Variants in GABRB1 observed in about 807,000 individuals in gnomAD.
GABRB1 encodes gamma-aminobutyric acid receptor subunit beta-1.
Under a neutral mutation model 51.6 loss-of-function variants are expected in GABRB1, and 17 were observed. The ratio of observed to expected loss-of-function variants is 0.33; its 90% confidence interval spans 0.23 to 0.49. The LOEUF (loss-of-function observed/expected upper bound fraction) is 0.49. Among genes scored for constraint, GABRB1 ranks in the 20% least tolerant of loss-of-function variants. The pLI, the probability that GABRB1 is intolerant of heterozygous loss-of-function variation, is 0.99. For synonymous variants in GABRB1, 247 were observed against 218.9 expected (o/e 1.13, Z -1.14); for missense variants, 410 against 600.6 (o/e 0.68, Z 3.32).
intron 5 of GABRB1, among the ~76,000 whole-genome samples, chr4:47,349,335 A>C (rs1726222461): frequency 6.6e-6 from 1 of 152,140 alleles, no homozygotes; most frequent in Non-Finnish European, 1.5e-5. Context: ...GGAAAGAAAG[A>C]AGGAACAGCC....
intron 5 of GABRB1, among the ~76,000 whole-genome samples, chr4:47,392,534 G>A (rs769364940): frequency 1.3e-5 from 2 of 151,992 alleles, no homozygotes; most frequent in African/African-American, 2.4e-5. Flanking sequence ...GTAGAGACAG[G>A]GTTTCACCAT....
intron 5 of GABRB1, among the ~76,000 whole-genome samples, chr4:47,397,731 T>C (rs1465088935): frequency 6.6e-6 from 1 of 151,828 alleles, no homozygotes; most frequent in East Asian, 1.9e-4. Context: ...CATGCTCAGC[T>C]AATTTTTTTT....
intron 4 of GABRB1, among the ~76,000 whole-genome samples, chr4:47,261,841 A>T (rs1243572773): frequency 1.3e-5 from 2 of 152,254 alleles, no homozygotes; most frequent in Non-Finnish European, 2.9e-5. Flanking sequence ...TTACCAAAAC[A>T]GAGATATAGA....
chr4:47,358,022 C>G (rs1475669443), intron 5 of GABRB1, among the ~76,000 whole-genome samples: 2 of 152,120 alleles, frequency 1.3e-5, no homozygotes, highest in Non-Finnish European at 2.9e-5. Context: ...CTCCTTAAAA[C>G]CTCATCACAC....
At chr4:47,288,266 A>G (rs758367389) in intron 4 of GABRB1, among the ~76,000 whole-genome samples, 4 of 150,360 alleles carry the variant, frequency 2.7e-5, no homozygotes, top group South Asian at 2.1e-4. Context: ...TATTATTATT[A>G]TTATTGTTAT....
chr4:47,347,877 G>A (rs7666210), intron 5 of GABRB1, among the ~76,000 whole-genome samples: 2,997 of 152,262 alleles, frequency 0.02, 92 homozygotes, highest in African/African-American at 0.069. Context: ...GTAAAAATGT[G>A]TGATGGGCTT....
chr4:47,142,156 G>C (rs578018323), intron 3 of GABRB1, among the ~76,000 whole-genome samples: 5 of 151,964 alleles, frequency 3.3e-5, no homozygotes, highest in African/African-American at 1.2e-4. Flanking sequence ...CTCTTGCATT[G>C]TGGGATGAAG....
At chr4:47,238,944 T>G (rs1052420136) in intron 4 of GABRB1, among the ~76,000 whole-genome samples, 1 of 152,190 alleles carries the variant, frequency 6.6e-6, no homozygotes, top group Non-Finnish European at 1.5e-5. Context: ...GCTTTGAAAA[T>G]GTTAGTTGAG....
intron 4 of GABRB1, among the ~76,000 whole-genome samples, chr4:47,300,361 A>T (rs1033934751): frequency 1.2e-4 from 19 of 152,292 alleles, no homozygotes; most frequent in African/African-American, 3.4e-4. Context: ...TTTAAGAGGG[A>T]CATTGTAAAA....
At chr4:47,040,364 T>A (rs1186487145) in intron 3 of GABRB1, among the ~76,000 whole-genome samples, 1 of 152,162 alleles carries the variant, frequency 6.6e-6, no homozygotes. Context: ...AGGTGATAGA[T>A]GCCTAAACTA....
At chr4:47,122,274 G>C (rs1403470888) in intron 3 of GABRB1, among the ~76,000 whole-genome samples, 1 of 152,242 alleles carries the variant, frequency 6.6e-6, no homozygotes, top group East Asian at 1.9e-4. Flanking sequence ...ATCTCAATTT[G>C]CTGAATTTGT....
intron 4 of GABRB1, among the ~76,000 whole-genome samples, chr4:47,306,681 G>C (rs974044646): frequency 6.6e-6 from 1 of 151,952 alleles, no homozygotes; most frequent in African/African-American, 2.4e-5. Context: ...AGACATATAT[G>C]CTAATGTTTC....
chr4:47,370,093 C>A (rs1727132491), intron 5 of GABRB1, among the ~76,000 whole-genome samples: 1 of 152,152 alleles, frequency 6.6e-6, no homozygotes, highest in Admixed American at 6.5e-5. Context: ...GAGACACACA[C>A]AAACACACAC....
intron 5 of GABRB1, among the ~76,000 whole-genome samples, chr4:47,330,368 C>G (rs190939746): frequency 6.6e-6 from 1 of 152,284 alleles, no homozygotes; most frequent in East Asian, 1.9e-4. Flanking sequence ...TCTAGAAATG[C>G]TAGATTTGAA....
chr4:47,128,085 C>T (rs772883247), intron 3 of GABRB1, among the ~76,000 whole-genome samples: 1 of 151,224 alleles, frequency 6.6e-6, no homozygotes, highest in Admixed American at 6.6e-5. Context: ...CTGAATAATG[C>T]CCATAAGAAA....
chr4:47,102,502 G>A (rs1196413200), intron 3 of GABRB1, among the ~76,000 whole-genome samples: 1 of 152,018 alleles, frequency 6.6e-6, no homozygotes, highest in Admixed American at 6.6e-5. Context: ...GATATGAAGA[G>A]TTGAGTAACC....
chr4:47,200,780 T>C (rs1036551951), intron 4 of GABRB1, among the ~76,000 whole-genome samples: 1 of 152,192 alleles, frequency 6.6e-6, no homozygotes, highest in African/African-American at 2.4e-5. Flanking sequence ...GCTCATGTTG[T>C]CTAATGTTAA....
At position 47,085,690 on chromosome 4, in the gene GABRB1, T is replaced by C. The variant is rs112697358; in HGVS notation, c.240+53206T>C. On this transcript the variant is annotated intron_variant, in intron 3 of 8. Transcript: ENST00000295454. The stretch of plus-strand genomic sequence containing the variant: ...CTAAAACCTAAGTGTCTTAAAACAA[T>C]GATGATTTTTAACATTCTCTGGATT... Among the ~76,000 whole-genome samples the C allele has an allele frequency of 2.2e-3, 331 of 152,316 alleles. 1 individual carries two copies. Among genetic ancestry groups the C allele is most frequent in the African/African-American group, 7.4e-3 (308 of 41,562 alleles).
chr4:47,305,860 T>C (rs1724449007), intron 4 of GABRB1, among the ~76,000 whole-genome samples: 1 of 152,154 alleles, frequency 6.6e-6, no homozygotes, highest in Non-Finnish European at 1.5e-5. Context: ...TATGCCCAGT[T>C]CAAAGCAACA....
Sources: allele counts gnomAD v4.1 joint callset (sites outside exome capture counted in the v4.1 genomes callset), GRCh38; gene constraint gnomAD v4.1.1; transcripts MANE v1.5; gene names NCBI Gene and HGNC (gene_info 2026-07-23, HGNC 2026-07-21).